ACYP2: variants seen among roughly 807,000 people sequenced by gnomAD.
ACYP2 encodes the protein acylphosphatase 2, also known as acylphosphatase-2.
Under a neutral mutation model 11.2 loss-of-function variants are expected in ACYP2, and 12 were observed. That is an observed-to-expected ratio of 1.08 (90% CI 0.69 to 1.74). The LOEUF (loss-of-function observed/expected upper bound fraction) is 1.74, where lower values mean the gene tolerates loss of function less well. Ranked by LOEUF, ACYP2 falls within the 40% of genes most tolerant of loss-of-function variation. The probability of loss-of-function intolerance (pLI) is 0.00; values close to 1 mark genes in which losing one functional copy is unlikely to be tolerated. For synonymous variants in ACYP2, 43 were observed against 32.2 expected (o/e 1.33, Z -1.13); for missense variants, 134 against 101.9 (o/e 1.31, Z -1.35).
chr2:53,992,972 A>T (rs1210942011), intron 2 of ACYP2, among the ~76,000 whole-genome samples: 2 of 152,028 alleles, frequency 1.3e-5, no homozygotes, highest in Non-Finnish European at 2.9e-5. Flanking sequence ...TTGGGAGGTC[A>T]AGGCAGACGG....
chr2:54,077,310 A>C (rs1339591679), intron 4 of ACYP2, among the ~76,000 whole-genome samples: 1 of 152,220 alleles, frequency 6.6e-6, no homozygotes, highest in East Asian at 1.9e-4. Flanking sequence ...CTACCACTAT[A>C]AGCTCCTTGG....
intron 6 of ACYP2, among the ~76,000 whole-genome samples, chr2:54,209,193 T>C (rs886106725): frequency 2.6e-5 from 4 of 152,186 alleles, no homozygotes; most frequent in African/African-American, 7.2e-5. Flanking sequence ...TAAAAAAATA[T>C]ATTTAAATAA....
intron 6 of ACYP2, among the ~76,000 whole-genome samples, chr2:54,150,739 CTTT>C (rs11295809): frequency 3.6e-5 from 5 of 137,332 alleles, no homozygotes; most frequent in Non-Finnish European, 4.7e-5. Flanking sequence ...GCGTTTCTTT[CTTT>C]TTTTTTTTTT....
At chr2:54,170,772 C>T (rs780498237) in intron 6 of ACYP2, among the ~76,000 whole-genome samples, 1 of 152,082 alleles carries the variant, frequency 6.6e-6, no homozygotes, top group Non-Finnish European at 1.5e-5. Flanking sequence ...ATGCTTTATA[C>T]TTTTGGTCTC....
At chr2:54,176,152 A>G (rs1215152) in intron 6 of ACYP2, among the ~76,000 whole-genome samples, 33,844 of 152,106 alleles carry the variant, frequency 0.22, 4,438 homozygotes, top group South Asian at 0.43. Context: ...TTAGTAGCCC[A>G]AACTGACTAA....
At chr2:54,301,661 G>A (rs754329991) in intron 6 of ACYP2, among the ~76,000 whole-genome samples, 14 of 151,700 alleles carry the variant, frequency 9.2e-5, no homozygotes, top group African/African-American at 2.9e-4. Flanking sequence ...ACATACACAC[G>A]TGTTTGTATA....
chr2:54,185,833 T>C (rs1029425534), intron 6 of ACYP2, among the ~76,000 whole-genome samples: 4 of 152,160 alleles, frequency 2.6e-5, no homozygotes, highest in Non-Finnish European at 5.9e-5. Context: ...GAGGGCCTAA[T>C]AAGCTGAAAG....
At chr2:54,148,431 A>G (rs951447740) in intron 6 of ACYP2, among the ~76,000 whole-genome samples, 1 of 152,238 alleles carries the variant, frequency 6.6e-6, no homozygotes, top group Non-Finnish European at 1.5e-5. Flanking sequence ...GAAAATCCAT[A>G]TGAAGCACTT....
chr2:54,256,463 T>C (rs1687540918), intron 6 of ACYP2, among the ~76,000 whole-genome samples: 1 of 152,196 alleles, frequency 6.6e-6, no homozygotes, highest in African/African-American at 2.4e-5. Context: ...CACTAGGATA[T>C]TCTCTCTTGT....
chr2:54,248,856 A>T (rs1273547094), intron 6 of ACYP2, among the ~76,000 whole-genome samples: 4 of 152,210 alleles, frequency 2.6e-5, no homozygotes, highest in Non-Finnish European at 4.4e-5. Context: ...AAGAGGTAGG[A>T]GGTTTTGGAA....
chr2:54,097,091 A>G (rs1434232664), intron 4 of ACYP2, among the ~76,000 whole-genome samples: 1 of 152,238 alleles, frequency 6.6e-6, no homozygotes, highest in East Asian at 1.9e-4. Flanking sequence ...GCAATAATTC[A>G]AAAGGGTTTA....
At chr2:54,217,525 C>T (rs1278801006) in intron 6 of ACYP2, among the ~76,000 whole-genome samples, 8 of 151,324 alleles carry the variant, frequency 5.3e-5, no homozygotes, top group African/African-American at 1.7e-4. Context: ...CACCACTGTC[C>T]CTGGCTATTT....
intron 2 of ACYP2, chr2:53,975,441 T>C (rs1014415879): frequency 3.6e-5 from 14 of 391,990 alleles, no homozygotes; most frequent in African/African-American, 2.5e-4. Context: ...TGCTCATTAG[T>C]GGAGACAGTA....
intron 4 of ACYP2, among the ~76,000 whole-genome samples, chr2:54,103,279 A>C (rs1427945850): frequency 2.6e-5 from 4 of 152,220 alleles, no homozygotes; most frequent in Non-Finnish European, 5.9e-5. Flanking sequence ...TGTCCACCAC[A>C]TCATTGTTTT....
Position 54,247,240 on chromosome 2 carries a change from T to C in ACYP2, c.405-57448T>C, listed in dbSNP as rs958677587. On this transcript the variant is annotated intron_variant, in intron 6 of 6. Transcript: ENST00000607452. Reference sequence around the variant, plus strand: ...CTCACTTCTGGGACTTCACGTGTATTGCTTGGCTGTGCATTCTTCCTCCAG... The same window carrying C: ...CTCACTTCTGGGACTTCACGTGTATCGCTTGGCTGTGCATTCTTCCTCCAG... Among the ~76,000 whole-genome samples, 18 of 152,194 alleles carry C rather than the reference T, an allele frequency of 1.2e-4. No individual in the cohort carries two copies. The South Asian group carries it at 2.5e-3, about 21-fold the overall frequency.
chr2:54,255,627 T>G (rs367701165), intron 6 of ACYP2: 4 of 1,613,702 alleles, frequency 2.5e-6, no homozygotes, highest in Non-Finnish European at 3.4e-6. Context: ...CTCTGTTTTC[T>G]TCCGCCACGT....
At chr2:53,974,211 G>A (rs1671349989) in intron 2 of ACYP2, among the ~76,000 whole-genome samples, 1 of 152,024 alleles carries the variant, frequency 6.6e-6, no homozygotes, top group Non-Finnish European at 1.5e-5. Context: ...ACTGAGCCCG[G>A]CCATATTTAG....
chr2:54,056,579 C>G (rs1423481184), intron 3 of ACYP2, among the ~76,000 whole-genome samples: 2 of 152,076 alleles, frequency 1.3e-5, no homozygotes, highest in Admixed American at 6.6e-5. Flanking sequence ...TGAATGATAT[C>G]TTTCTTTGCA....
intron 2 of ACYP2, among the ~76,000 whole-genome samples, chr2:54,006,992 G>T (rs1467147002): frequency 6.6e-6 from 1 of 151,754 alleles, no homozygotes; most frequent in East Asian, 2.0e-4. Flanking sequence ...AGGCTTGGTG[G>T]CATGTGCCTG....
Sources: gnomAD v4.1 joint callset for allele counts (sites outside exome capture counted in the v4.1 genomes callset) on GRCh38, gnomAD v4.1.1 for gene constraint, MANE v1.5 for transcripts, NCBI Gene and HGNC (gene_info 2026-07-23, HGNC 2026-07-21) for gene names.